The following TMCO1 variants were observed in gnomAD, a reference collection of about 807,000 sequenced individuals.
The protein encoded by TMCO1 is calcium load-activated calcium channel.
In TMCO1, 29 loss-of-function variants were observed where a neutral mutation model predicts 29.3. The observed-to-expected ratio is 0.99, with a 90% CI of 0.74 to 1.35. The LOEUF is 1.35. Ranked by LOEUF, TMCO1 falls within the 40% of genes most tolerant of loss-of-function variation. The probability of loss-of-function intolerance (pLI) is 0.00; values close to 1 mark genes in which losing one functional copy is unlikely to be tolerated. For missense variants in TMCO1, 173 were observed against 225.5 expected, an observed-to-expected ratio of 0.77 and a Z score of 1.49; for synonymous variants, 80 against 77.1, an observed-to-expected ratio of 1.04 and a Z score of -0.20.
At chr1:165,730,175 A>AC (rs1651090201) in intron 6 of TMCO1, among the ~76,000 whole-genome samples, 3 of 147,690 alleles carry the variant, frequency 2.0e-5, no homozygotes, top group African/African-American at 7.4e-5. Context: ...CACACACACA[A>AC]AAAAAAAAAA....
intron 4 of TMCO1, among the ~76,000 whole-genome samples, chr1:165,753,346 G>A (rs987463942): frequency 6.6e-6 from 1 of 151,810 alleles, no homozygotes; most frequent in Non-Finnish European, 1.5e-5. Flanking sequence ...GGTGGCACAC[G>A]CCTGTAATCC....
At chr1:165,753,254 C>T (rs1240798097) in intron 4 of TMCO1, among the ~76,000 whole-genome samples, 1 of 151,856 alleles carries the variant, frequency 6.6e-6, no homozygotes, top group Non-Finnish European at 1.5e-5. Flanking sequence ...AGGTGGATGG[C>T]TTGAGCTCAG....
chr1:165,754,224 T>A lies in TMCO1; in HGVS notation c.255+4A>T. On this transcript the variant is annotated splice_donor_region_variant and intron_variant, in intron 4 of 6. Transcript: ENST00000367881. Reference sequence around the variant, plus strand: ...AACCATGAAGTTATAGTTAGGTCTCTTACCATTGATAGATCTCTGTTGTTA... The same window carrying A: ...AACCATGAAGTTATAGTTAGGTCTCATACCATTGATAGATCTCTGTTGTTA... 6.2e-7 allele frequency: 1 copy of A among 1,609,072 alleles called. No individual in the cohort carries two copies. Among genetic ancestry groups the A allele is most frequent in the Non-Finnish European group, 8.5e-7 (1 of 1,175,774 alleles).
intron 5 of TMCO1, among the ~76,000 whole-genome samples, chr1:165,749,324 C>T (rs1216225393): frequency 6.6e-6 from 1 of 152,018 alleles, no homozygotes; most frequent in Non-Finnish European, 1.5e-5. Flanking sequence ...TTCTGATGCA[C>T]ATTCCTGGTT....
intron 3 of TMCO1, among the ~76,000 whole-genome samples, chr1:165,758,251 T>C (rs1028608632): frequency 2.0e-5 from 3 of 152,100 alleles, no homozygotes; most frequent in Non-Finnish European, 2.9e-5. Context: ...TGTTGTTCCT[T>C]AAATTTCTGT....
intron 6 of TMCO1, among the ~76,000 whole-genome samples, chr1:165,733,686 A>G (rs1015306488): frequency 6.6e-6 from 1 of 152,216 alleles, no homozygotes; most frequent in African/African-American, 2.4e-5. Flanking sequence ...GAAAATAGAA[A>G]TGCAAAATAT....
intron 6 of TMCO1, among the ~76,000 whole-genome samples, chr1:165,733,771 T>C (rs1211490549): frequency 6.6e-6 from 1 of 152,124 alleles, no homozygotes; most frequent in African/African-American, 2.4e-5. Flanking sequence ...TATAACAGGG[T>C]AACAAATGAA....
At position 165,728,100 on chromosome 1, in the gene TMCO1, G is replaced by T; in HGVS notation, c.490C>A (p.Leu164Ile). ...TTGGTGGCGGCTCGTGAAGGGGCAA[G>T]GCCGAGAATCTTCTGAATGTTCTGT... is the stretch of plus-strand genomic sequence containing the variant. ...IRQNIQKILG[L>I]APSRAATKQA... is the part of the protein sequence containing the mutation. The change falls in exon 7 of 7, where the codon CTT becomes ATT. Residue 164 changes from leucine to isoleucine, a missense_variant. Coordinates refer to ENST00000367881, the MANE Select transcript of TMCO1 (RefSeq NM_019026.6). 6.2e-7 allele frequency: 1 copy of T among 1,608,440 alleles called. No individual in the cohort carries two copies. The highest frequency in any genetic ancestry group is 1.1e-5 in the South Asian group (1 of 90,982).
At chr1:165,731,003 G>A (rs6656548) in intron 6 of TMCO1, among the ~76,000 whole-genome samples, 7,572 of 151,538 alleles carry the variant, frequency 0.05, 275 homozygotes, top group Non-Finnish European at 0.076. Context: ...AGGTTCAAGC[G>A]ATCCTCCTGC....
chr1:165,731,599 T>G (rs1651163487), intron 6 of TMCO1, among the ~76,000 whole-genome samples: 1 of 152,104 alleles, frequency 6.6e-6, no homozygotes, highest in Admixed American at 6.5e-5. Flanking sequence ...AGAAGATGAT[T>G]GAAAAAATAA....
rs535367333 is a variant in TMCO1, at chr1:165,744,097, A to T, written c.324-786T>A. On this transcript the variant is annotated intron_variant, in intron 5 of 6. Transcript: ENST00000367881. Reference sequence around the variant, plus strand: ...ATGGTCTCGATCTCTTGACCTCATGATCCGCCTGCCTCAGCCTCTCAAAGT... The same window carrying T: ...ATGGTCTCGATCTCTTGACCTCATGTTCCGCCTGCCTCAGCCTCTCAAAGT... Among the ~76,000 whole-genome samples, 6 of 152,240 alleles carry T rather than the reference A, an allele frequency of 3.9e-5. No individual in the cohort carries two copies. In the East Asian group the frequency reaches 1.2e-3, roughly 29 times the overall value.
chr1:165,734,085 T>A (rs1651277397), intron 6 of TMCO1, among the ~76,000 whole-genome samples: 1 of 152,252 alleles, frequency 6.6e-6, no homozygotes, highest in Non-Finnish European at 1.5e-5. Flanking sequence ...GCAACCAGTC[T>A]TCACTTCCAA....
chr1:165,741,334 C>G (rs145841267), intron 6 of TMCO1, among the ~76,000 whole-genome samples: 1 of 152,254 alleles, frequency 6.6e-6, no homozygotes, highest in African/African-American at 2.4e-5. Context: ...TTTTGCTACA[C>G]TATTATAATA....
chr1:165,734,087 C>CA (rs1251464278), intron 6 of TMCO1, among the ~76,000 whole-genome samples: 3 of 152,238 alleles, frequency 2.0e-5, no homozygotes. Flanking sequence ...AACCAGTCTT[C>CA]ACTTCCAATT....
intron 2 of TMCO1, among the ~76,000 whole-genome samples, chr1:165,760,514 A>C (rs1490968141): frequency 6.6e-6 from 1 of 152,022 alleles, no homozygotes; most frequent in Admixed American, 6.6e-5. Flanking sequence ...TTTGAAAAAG[A>C]AATAGTGGGC....
chr1:165,753,680 G>A (rs1334404964), intron 4 of TMCO1, among the ~76,000 whole-genome samples: 1 of 151,914 alleles, frequency 6.6e-6, no homozygotes, highest in Non-Finnish European at 1.5e-5. Context: ...CGGGCGTGGT[G>A]TACTCCTGTA....
chr1:165,759,500 CA>C (rs1652322128), intron 3 of TMCO1, 24 bp downstream of exon 3: 1 of 1,580,870 alleles, frequency 6.3e-7, no homozygotes, highest in African/African-American at 1.3e-5. Flanking sequence ...ACCCAAATTT[CA>C]TTTTGACTAA....
At chr1:165,753,387 C>T (rs72699930) in intron 4 of TMCO1, among the ~76,000 whole-genome samples, 4,519 of 148,268 alleles carry the variant, frequency 0.03, 80 homozygotes, top group South Asian at 0.046. Flanking sequence ...GTAGGAGGAG[C>T]GCACAAGCCC....
chr1:165,752,252 ATTTTTT>A, intron 4 of TMCO1, 83 bp from the exon 5 acceptor site: 51 of 427,822 alleles, frequency 1.2e-4, no homozygotes, highest in East Asian at 1.6e-4. Flanking sequence ...GTTTCATGTC[ATTTTTT>A]TTTTTTTTTT....
Sources: gnomAD v4.1 joint callset for allele counts (sites outside exome capture counted in the v4.1 genomes callset) on GRCh38, gnomAD v4.1.1 for gene constraint, MANE v1.5 for transcripts, NCBI Gene and HGNC (gene_info 2026-07-23, HGNC 2026-07-21) for gene names.